The following WWOX variants were observed in gnomAD, a reference collection of about 807,000 sequenced individuals.
WWOX encodes the protein WW domain-containing oxidoreductase.
WWOX carries 69 observed loss-of-function variants against 46.2 expected under a neutral mutation model. The ratio of observed to expected loss-of-function variants is 1.49; its 90% CI spans 1.23 to 1.82. The LOEUF (loss-of-function observed/expected upper bound fraction) is 1.82. Among genes scored for constraint, WWOX ranks in the 40% most tolerant of loss-of-function variants. WWOX has a pLI of 0.00. For missense variants in WWOX, 919 were observed against 542.6 expected (o/e 1.69, Z -6.89); for synonymous variants, 359 against 202.6 (o/e 1.77, Z -6.56).
At chr16:78,960,060 A>T (rs981176245) in intron 8 of WWOX, among the ~76,000 whole-genome samples, 1 of 152,176 alleles carries the variant, frequency 6.6e-6, no homozygotes, top group Non-Finnish European at 1.5e-5. Context: ...GCATGGTGGG[A>T]CAGACTAAAT....
chr16:78,192,985 T>C (rs545526658), intron 5 of WWOX, among the ~76,000 whole-genome samples: 1 of 152,348 alleles, frequency 6.6e-6, no homozygotes, highest in Admixed American at 6.5e-5. Flanking sequence ...TCATAACACA[T>C]GTGGCTGAGG....
At chr16:78,209,968 A>G (rs1002722606) in intron 5 of WWOX, among the ~76,000 whole-genome samples, 1 of 152,166 alleles carries the variant, frequency 6.6e-6, no homozygotes, top group African/African-American at 2.4e-5. Context: ...AGAAGAAAGG[A>G]TAAACTTTTC....
chr16:78,792,939 A>T (rs1390787670), intron 8 of WWOX, among the ~76,000 whole-genome samples: 1 of 152,184 alleles, frequency 6.6e-6, no homozygotes, highest in African/African-American at 2.4e-5. Context: ...AACCTTGATA[A>T]CCATGGCAAT....
chr16:78,602,382 G>A (rs1256557318), intron 8 of WWOX, among the ~76,000 whole-genome samples: 3 of 152,098 alleles, frequency 2.0e-5, no homozygotes, highest in Admixed American at 1.3e-4. Context: ...AAAGGCACGT[G>A]CCACCACTCC....
At chr16:78,635,240 C>A (rs1207610623) in intron 8 of WWOX, among the ~76,000 whole-genome samples, 1 of 152,144 alleles carries the variant, frequency 6.6e-6, no homozygotes, top group African/African-American at 2.4e-5. Flanking sequence ...TGCGTGAGAC[C>A]CTTTCAATCT....
Position 78,726,087 on chromosome 16 carries a change from T to TCCTC in WWOX, c.1056+293356_1056+293359dup, listed in dbSNP as rs151264242. ...CTGCTTCCCTTCCCTCCCTCCCTCTTCCTCCCTCCCTCCCTCCCTCCCTCT... is the reference window on the plus strand; with the variant it reads ...CTGCTTCCCTTCCCTCCCTCCCTCTTCCTCCCTCCCTCCCTCCCTCCCTCCCTCT... On this transcript the variant is annotated intron_variant, in intron 8 of 8. Coordinates refer to ENST00000566780, the MANE Select transcript of WWOX (RefSeq NM_016373.4). Among the ~76,000 whole-genome samples, 956 of 113,224 alleles carry TCCTC rather than the reference T, an allele frequency of 8.4e-3. 14 individuals are homozygous for TCCTC. The highest frequency in any genetic ancestry group is 0.013 in the Non-Finnish European group (700 of 53,320). 74.3% of individuals were successfully genotyped at this position (113,224 alleles called of 152,430 possible).
At chr16:78,976,579 C>T (rs961032499) in intron 8 of WWOX, among the ~76,000 whole-genome samples, 7 of 152,186 alleles carry the variant, frequency 4.6e-5, no homozygotes, top group Non-Finnish European at 7.3e-5. Flanking sequence ...TGGGATCTTG[C>T]AGCTGCGAAA....
At chr16:79,171,372 C>G (rs887216603) in intron 8 of WWOX, among the ~76,000 whole-genome samples, 1 of 152,170 alleles carries the variant, frequency 6.6e-6, no homozygotes, top group East Asian at 1.9e-4. Context: ...CCACACTGAA[C>G]AAATATAATT....
intron 8 of WWOX, among the ~76,000 whole-genome samples, chr16:78,865,475 A>C (rs984056607): frequency 3.3e-5 from 5 of 152,280 alleles, no homozygotes; most frequent in African/African-American, 7.2e-5. Flanking sequence ...GACAATTTCA[A>C]ATGCTCCCTG....
rs143172279 is a variant in WWOX, at chr16:78,330,088, G to C, written c.517-56772G>C. Among the ~76,000 whole-genome samples, 382 of 152,254 alleles carry C rather than the reference G, an allele frequency of 2.5e-3. 2 individuals carry two copies. Among genetic ancestry groups the C allele is most frequent in the African/African-American group, 8.6e-3 (358 of 41,550 alleles). Reference sequence around the variant, plus strand: ...TCTTTTTCTAATAACCATTGCTATAGATGGTTGTCCTTAACGCGTAAATGT... The same window carrying C: ...TCTTTTTCTAATAACCATTGCTATACATGGTTGTCCTTAACGCGTAAATGT... On this transcript the variant is annotated intron_variant, in intron 5 of 8. Coordinates refer to ENST00000566780, the MANE Select transcript of WWOX (RefSeq NM_016373.4).
At chr16:78,878,268 C>G (rs1298152899) in intron 8 of WWOX, among the ~76,000 whole-genome samples, 3 of 152,118 alleles carry the variant, frequency 2.0e-5, no homozygotes, top group African/African-American at 7.2e-5. Flanking sequence ...GTCTGAGTTA[C>G]AATAAATAAA....
intron 8 of WWOX, among the ~76,000 whole-genome samples, chr16:78,802,112 G>A (rs1399796703): frequency 6.6e-6 from 1 of 151,426 alleles, no homozygotes; most frequent in Non-Finnish European, 1.5e-5. Flanking sequence ...GCCTGTGCGT[G>A]AATCTCACTC....
At chr16:78,540,709 T>A (rs377276239) in intron 8 of WWOX, among the ~76,000 whole-genome samples, 2 of 150,626 alleles carry the variant, frequency 1.3e-5, no homozygotes, top group South Asian at 2.1e-4. Context: ...AAAAAAAAAA[T>A]GGGGTCTCAT....
At chr16:78,334,622 G>C (rs764897065) in intron 5 of WWOX, among the ~76,000 whole-genome samples, 3 of 151,848 alleles carry the variant, frequency 2.0e-5, no homozygotes, top group Non-Finnish European at 4.4e-5. Flanking sequence ...TGTATTGTTG[G>C]GAACTAATTA....
chr16:78,470,532 G>A (rs2084197357), intron 8 of WWOX, among the ~76,000 whole-genome samples: 1 of 151,920 alleles, frequency 6.6e-6, no homozygotes, highest in Admixed American at 6.6e-5. Flanking sequence ...ATGTATGCAT[G>A]TATGTATGTA....
chr16:78,694,473 C>G (rs2048057123), intron 8 of WWOX, among the ~76,000 whole-genome samples: 1 of 152,160 alleles, frequency 6.6e-6, no homozygotes. Flanking sequence ...CCACGTCAGT[C>G]TTGCTTTCCA....
chr16:78,572,040 T>C (rs2044728203), intron 8 of WWOX, among the ~76,000 whole-genome samples: 1 of 152,178 alleles, frequency 6.6e-6, no homozygotes, highest in Admixed American at 6.5e-5. Flanking sequence ...TATTACGTAA[T>C]AAAGTAGTAC....
At chr16:79,014,591 C>T (rs537435265) in intron 8 of WWOX, among the ~76,000 whole-genome samples, 1 of 152,308 alleles carries the variant, frequency 6.6e-6, no homozygotes, top group Admixed American at 6.5e-5. Context: ...AACCCAACTC[C>T]TAGCCACTGC....
chr16:78,665,032 G>C (rs573534581), intron 8 of WWOX, among the ~76,000 whole-genome samples: 5 of 152,340 alleles, frequency 3.3e-5, no homozygotes, highest in Admixed American at 6.5e-5. Flanking sequence ...TCATCAGCCT[G>C]CATCCTGTTC....
Sources: allele counts gnomAD v4.1 joint callset (sites outside exome capture counted in the v4.1 genomes callset), GRCh38; gene constraint gnomAD v4.1.1; transcripts MANE v1.5; gene names NCBI Gene and HGNC (gene_info 2026-07-23, HGNC 2026-07-21).